The following ZNF609 variants were observed in gnomAD, a reference collection of about 807,000 sequenced individuals.
ZNF609 encodes zinc finger protein 609.
In ZNF609, 11 loss-of-function variants were observed where a neutral mutation model predicts 109.5. The observed-to-expected ratio is 0.10, with a 90% CI of 0.06 to 0.17. The LOEUF (loss-of-function observed/expected upper bound fraction) is 0.17. ZNF609 is among the 10% of genes least tolerant of loss of function. The probability of loss-of-function intolerance (pLI) is 1.00; values close to 1 mark genes in which losing one functional copy is unlikely to be tolerated. For missense variants in ZNF609, 1,559 were observed against 1,772.4 expected, an observed-to-expected ratio of 0.88 and a Z score of 2.16; for synonymous variants, 646 against 662.0, an observed-to-expected ratio of 0.98 and a Z score of 0.37.
At chr15:64,559,657 T>C (rs2140401972) in intron 2 of ZNF609, among the ~76,000 whole-genome samples, 1 of 152,328 alleles carries the variant, frequency 6.6e-6, no homozygotes, top group South Asian at 2.1e-4. Context: ...ATTATATTAA[T>C]AACTTTAATA....
At chr15:64,536,916 GAAAA>G (rs60594462) in intron 2 of ZNF609, among the ~76,000 whole-genome samples, 622 of 55,414 alleles carry the variant, frequency 0.011, 5 homozygotes, top group African/African-American at 0.042. Flanking sequence ...TCTCAAAAAA[GAAAA>G]AAAAAAAAAA....
intron 3 of ZNF609, among the ~76,000 whole-genome samples, chr15:64,641,803 C>T (rs1442545057): frequency 6.6e-6 from 1 of 152,094 alleles, no homozygotes; most frequent in African/African-American, 2.4e-5. Context: ...TTTTTACAGA[C>T]TATCCCAAAT....
intron 2 of ZNF609, among the ~76,000 whole-genome samples, chr15:64,513,125 G>T (rs937353053): frequency 5.9e-5 from 9 of 152,002 alleles, no homozygotes; most frequent in Non-Finnish European, 1.3e-4. Context: ...ATATTAATCT[G>T]TACTTTAGAT....
chr15:64,483,913 G>A (rs969458050), intron 1 of ZNF609, among the ~76,000 whole-genome samples: 4 of 152,174 alleles, frequency 2.6e-5, no homozygotes, highest in African/African-American at 9.7e-5. Context: ...CACATCTAGG[G>A]AGAGTAAATA....
intron 3 of ZNF609, among the ~76,000 whole-genome samples, chr15:64,666,070 G>T (rs1325545884): frequency 1.7e-5 from 1 of 59,914 alleles, no homozygotes; most frequent in African/African-American, 4.6e-5. Flanking sequence ...GCAAGACTTC[G>T]TCTCAAAAAA....
chr15:64,500,085 G>T lies in ZNF609; in HGVS notation c.666G>T (p.Ala222=). 1 of 1,614,122 alleles carries T rather than the reference G, an allele frequency of 6.2e-7. No homozygotes were observed. The highest frequency in any genetic ancestry group is 8.5e-7 in the Non-Finnish European group (1 of 1,180,030). ...LGSIAIEPGA[A]LNPLGTKPEP... is the part of the protein sequence containing the mutation. ...GTATAGCTATTGAGCCTGGGGCAGC[G>T]CTCAATCCTTTGGGAACTAAACCGG... Residue 222 remains alanine, a synonymous_variant, in exon 2 of 10, where the codon GCG becomes GCT. Coordinates refer to ENST00000326648, the MANE Select transcript of ZNF609 (RefSeq NM_015042.2).
At chr15:64,578,894 A>G (rs1426150311) in intron 2 of ZNF609, among the ~76,000 whole-genome samples, 1 of 152,062 alleles carries the variant, frequency 6.6e-6, no homozygotes, top group East Asian at 1.9e-4. Flanking sequence ...TGGCTACTCT[A>G]GAGGCTGATT....
At chr15:64,657,251 C>T (rs936732839) in intron 3 of ZNF609, among the ~76,000 whole-genome samples, 1 of 147,058 alleles carries the variant, frequency 6.8e-6, no homozygotes, top group African/African-American at 2.6e-5. Flanking sequence ...CAGAGCAAGA[C>T]TGTGTCTCAA....
chr15:64,623,143 G>T (rs1895903616), intron 3 of ZNF609, 91 bp downstream of exon 3: 1 of 1,305,258 alleles, frequency 7.7e-7, no homozygotes, highest in Non-Finnish European at 1.1e-6. Flanking sequence ...TTACCAAGTG[G>T]TTATTAGAGT....
At chr15:64,554,699 T>G (rs1292913116) in intron 2 of ZNF609, among the ~76,000 whole-genome samples, 3 of 152,180 alleles carry the variant, frequency 2.0e-5, no homozygotes, top group Non-Finnish European at 4.4e-5. Flanking sequence ...TTACATTGAT[T>G]AAATTTCAGG....
intron 2 of ZNF609, among the ~76,000 whole-genome samples, chr15:64,597,348 G>A (rs1895414168): frequency 6.6e-6 from 1 of 152,080 alleles, no homozygotes; most frequent in Admixed American, 6.6e-5. Context: ...GGGAAAGGAG[G>A]TTACCACGGT....
chr15:64,500,832 C>T (rs1243220499), intron 2 of ZNF609: 2 of 173,880 alleles, frequency 1.2e-5, no homozygotes, highest in Non-Finnish European at 2.5e-5. Flanking sequence ...TGCCAGGTAT[C>T]TCCCACAACT....
rs371834981 is a variant in ZNF609 at position 64,681,722 on chromosome 15, C to T, written c.*36C>T. ...AAGTGCCCGGATAAAGTCAGCTTCA[C>T]GGGCCCGGACTGGCTTACCCAAGGA... On this transcript the variant is annotated 3_prime_UTR_variant, in exon 10 of 10. Coordinates refer to ENST00000326648, the MANE Select transcript of ZNF609 (RefSeq NM_015042.2). The T allele has an allele frequency of 2.6e-4, 58 of 222,164 alleles. 1 individual carries two copies. The highest frequency in any genetic ancestry group is 9.4e-4 in the African/African-American group (42 of 44,912). 13.8% of individuals were successfully genotyped at this position (222,164 alleles called of 1,614,324 possible).
rs186882412 is a variant in ZNF609 at position 64,648,198 on chromosome 15, C to T, written c.974-22148C>T. 1.4e-3 allele frequency among the ~76,000 whole-genome samples: 212 copies of T among 152,220 alleles called. 1 individual carries two copies. Among genetic ancestry groups the T allele is most frequent in the Non-Finnish European group, 2.1e-3 (140 of 68,020 alleles). On this transcript the variant is annotated intron_variant, in intron 3 of 9. Coordinates refer to ENST00000326648, the MANE Select transcript of ZNF609 (RefSeq NM_015042.2). ...TTGTGAGGCAGCGTAGTTAAAAATA[C>T]GTATAAGGCCATGCAGTATGGTTTA...
chr15:64,601,564 A>C (rs1449587112), intron 2 of ZNF609, among the ~76,000 whole-genome samples: 1 of 152,242 alleles, frequency 6.6e-6, no homozygotes, highest in Non-Finnish European at 1.5e-5. Context: ...GCAGAGGACT[A>C]CTAAATAATA....
At position 64,575,455 on chromosome 15, in the gene ZNF609, G is replaced by A. The variant is rs530920415; in HGVS notation, c.748-47372G>A. 1.3e-3 allele frequency among the ~76,000 whole-genome samples: 190 copies of A among 151,988 alleles called. 1 individual carries two copies. The highest frequency in any genetic ancestry group is 4.4e-3 in the South Asian group (21 of 4,822). Reference sequence around the variant, plus strand: ...AAGGAAGAAGAGGGGAAAACCAGAGGTTATCTATAATCAGTAGGATTTTTT... The same window carrying A: ...AAGGAAGAAGAGGGGAAAACCAGAGATTATCTATAATCAGTAGGATTTTTT... On this transcript the variant is annotated intron_variant, in intron 2 of 9. Coordinates refer to ENST00000326648, the MANE Select transcript of ZNF609 (RefSeq NM_015042.2).
In ZNF609 at chr15:64,685,728, A is replaced by G. The variant is rs775742950; in HGVS notation, c.*4042A>G. On this transcript the variant is annotated 3_prime_UTR_variant, in exon 10 of 10. Coordinates refer to ENST00000326648, the MANE Select transcript of ZNF609 (RefSeq NM_015042.2). ...TGGTTTTAGGAATGACCGGAAAACT[A>G]CCCCTAAAACTCCCCCGACATTCCA... The G allele has an allele frequency of 2.6e-5, 4 of 152,504 alleles. No homozygotes were observed. The highest frequency in any genetic ancestry group is 1.5e-5 in the Non-Finnish European group (1 of 68,054). The allele number at this position is 152,504 out of a possible 1,614,324, so 9.4% of individuals were successfully genotyped here. A position where few individuals can be genotyped will look rare whatever the true frequency, so the allele number is the denominator to read the frequency against.
At position 64,681,803 on chromosome 15, in the gene ZNF609, C is replaced by A. The variant is rs1214437784; in HGVS notation, c.*117C>A. ...AAATGGTGTTGATCATCCTGTTTGC[C>A]GTTTCCACCATGACTGAAGGCAGAC... On this transcript the variant is annotated 3_prime_UTR_variant, in exon 10 of 10. Coordinates refer to ENST00000326648, the MANE Select transcript of ZNF609 (RefSeq NM_015042.2). 6.3e-6 allele frequency: 1 copy of A among 159,332 alleles called. No individual in the cohort carries two copies. Among genetic ancestry groups the A allele is most frequent in the South Asian group, 2.0e-4 (1 of 5,118 alleles). 9.9% of individuals were successfully genotyped at this position (159,332 alleles called of 1,614,324 possible).
At chr15:64,550,147 G>T (rs754507229) in intron 2 of ZNF609, among the ~76,000 whole-genome samples, 1 of 151,898 alleles carries the variant, frequency 6.6e-6, no homozygotes, top group Non-Finnish European at 1.5e-5. Context: ...TAGAAATGGG[G>T]TCTCACAGTG....
Sources: gnomAD v4.1 joint callset for allele counts (sites outside exome capture counted in the v4.1 genomes callset) on GRCh38, gnomAD v4.1.1 for gene constraint, MANE v1.5 for transcripts, NCBI Gene and HGNC (gene_info 2026-07-23, HGNC 2026-07-21) for gene names.